Variants in SLC41A3 observed in about 807,000 individuals in gnomAD.
The protein encoded by SLC41A3 is SLC41A1-like 2.
SLC41A3 carries 44 observed loss-of-function variants against 45.4 expected under a neutral mutation model. The ratio of observed to expected loss-of-function variants is 0.97; its 90% CI spans 0.76 to 1.25. The LOEUF (loss-of-function observed/expected upper bound fraction) is 1.25, where lower values mean the gene tolerates loss of function less well. Among genes scored for constraint, SLC41A3 ranks in the 50% most tolerant of loss-of-function variants. The probability of loss-of-function intolerance (pLI) is 0.00; values close to 1 mark genes in which losing one functional copy is unlikely to be tolerated. For synonymous variants in SLC41A3, 256 were observed against 252.4 expected, an observed-to-expected ratio of 1.01 and a Z score of -0.13; for missense variants, 550 against 600.6, an observed-to-expected ratio of 0.92 and a Z score of 0.88.
chr3:126,055,384 G>A (rs964670756), intron 2 of SLC41A3, among the ~76,000 whole-genome samples: 6 of 151,860 alleles, frequency 4.0e-5, no homozygotes, highest in Admixed American at 1.3e-4. Flanking sequence ...GCCTGGTGGC[G>A]GGCACCTGTA....
intron 9 of SLC41A3, among the ~76,000 whole-genome samples, chr3:126,010,212 G>A (rs1271495592): frequency 3.9e-5 from 6 of 152,194 alleles, no homozygotes; most frequent in African/African-American, 7.2e-5. Flanking sequence ...TGTGGCTCAC[G>A]CCTGTAAACC....
chr3:126,041,365 C>T (rs1018938882), intron 3 of SLC41A3, among the ~76,000 whole-genome samples: 1 of 152,162 alleles, frequency 6.6e-6, no homozygotes, highest in African/African-American at 2.4e-5. Flanking sequence ...CTCCAAGATA[C>T]ATGCAAGATA....
intron 2 of SLC41A3, among the ~76,000 whole-genome samples, chr3:126,065,767 A>G (rs1019174014): frequency 1.3e-5 from 2 of 152,124 alleles, no homozygotes; most frequent in African/African-American, 4.8e-5. Flanking sequence ...AGATAAATGG[A>G]AAAAAAAGGA....
intron 2 of SLC41A3, among the ~76,000 whole-genome samples, chr3:126,051,266 C>T (rs905648046): frequency 6.6e-6 from 1 of 152,264 alleles, no homozygotes; most frequent in Non-Finnish European, 1.5e-5. Flanking sequence ...CGGCCGTAAG[C>T]ACACTGGGGG....
intron 6 of SLC41A3, among the ~76,000 whole-genome samples, chr3:126,020,342 G>A (rs1222269092): frequency 1.3e-5 from 2 of 152,080 alleles, no homozygotes; most frequent in Non-Finnish European, 2.9e-5. Flanking sequence ...AATGCTTTTG[G>A]GCCTTTTCCC....
chr3:126,097,307 A>G (rs929581731), intron 1 of SLC41A3, among the ~76,000 whole-genome samples: 2 of 152,170 alleles, frequency 1.3e-5, no homozygotes, highest in African/African-American at 4.8e-5. Flanking sequence ...CTTAACATGC[A>G]TGCCCAGGAA....
At position 126,006,858 on chromosome 3, in the gene SLC41A3, A is replaced by C; in HGVS notation, c.*158T>G. The C allele has an allele frequency of 6.7e-7, 1 of 1,482,584 alleles. No individual in the cohort carries two copies. The allele number at this position is 1,482,584 out of a possible 1,614,324, so 91.8% of individuals were successfully genotyped here. ...TTGCAGGCTCAGGTATCAACCCCAGAGCCGAGGTGTGTGAGAGCTACCTTA... is the reference window on the plus strand; with the variant it reads ...TTGCAGGCTCAGGTATCAACCCCAGCGCCGAGGTGTGTGAGAGCTACCTTA... On this transcript the variant is annotated 3_prime_UTR_variant, in exon 11 of 11. Coordinates refer to ENST00000360370, the MANE Select transcript of SLC41A3 (RefSeq NM_017836.4).
intron 1 of SLC41A3, among the ~76,000 whole-genome samples, chr3:126,078,697 CAG>C (rs756444946): frequency 5.9e-5 from 9 of 152,164 alleles, no homozygotes; most frequent in Non-Finnish European, 1.0e-4. Flanking sequence ...GAAGAGGAAA[CAG>C]AGAATTAAAA....
intron 2 of SLC41A3, among the ~76,000 whole-genome samples, chr3:126,057,663 C>A (rs1182148697): frequency 2.0e-5 from 3 of 152,236 alleles, no homozygotes; most frequent in Non-Finnish European, 4.4e-5. Flanking sequence ...CCACTGCCCT[C>A]CCCAGTGTGG....
At chr3:126,064,642 C>T (rs1462470262) in intron 2 of SLC41A3, among the ~76,000 whole-genome samples, 1 of 152,224 alleles carries the variant, frequency 6.6e-6, no homozygotes, top group African/African-American at 2.4e-5. Context: ...CCCCAGTCTT[C>T]TCTCTCTGCC....
intron 2 of SLC41A3, among the ~76,000 whole-genome samples, chr3:126,052,854 C>T (rs1943424036): frequency 6.6e-6 from 1 of 152,202 alleles, no homozygotes; most frequent in South Asian, 2.1e-4. Context: ...CCTCTCCCTT[C>T]CGCAGCTCGA....
chr3:126,100,882 C>T (rs576763153), intron 1 of SLC41A3, among the ~76,000 whole-genome samples: 1 of 152,312 alleles, frequency 6.6e-6, no homozygotes. Context: ...TCTCAGCCCC[C>T]GTTCACTCAT....
At chr3:126,017,944 C>A (rs550155442) in intron 6 of SLC41A3, among the ~76,000 whole-genome samples, 16 of 152,320 alleles carry the variant, frequency 1.1e-4, no homozygotes, top group South Asian at 8.3e-4. Context: ...AAACAGCGGC[C>A]TGCAGAAGCA....
intron 2 of SLC41A3, chr3:126,056,933 G>C: frequency 3.7e-6 from 4 of 1,091,112 alleles, no homozygotes; most frequent in Non-Finnish European, 4.5e-6. Context: ...AGCCCAGCAG[G>C]CTGGTCCATA....
Position 126,026,268 on chromosome 3 carries a change from G to C in SLC41A3, c.598+67C>G. ...CACCCCCAGAAACTGAAAACACAAT[G>C]AGCTCTGAGGTGGGACCTCAGAGGA... On this transcript the variant is annotated intron_variant, in intron 5 of 10. Transcript: ENST00000360370. The surrounding 1 kb of genome is among the most constrained non-coding windows in gnomAD (Gnocchi z 4.2). 1 of 1,532,338 alleles carries C rather than the reference G, an allele frequency of 6.5e-7. No individual in the cohort carries two copies. Among genetic ancestry groups the C allele is most frequent in the African/African-American group, 1.4e-5 (1 of 72,612 alleles). 94.9% of individuals were successfully genotyped at this position (1,532,338 alleles called of 1,614,324 possible). A position where few individuals can be genotyped will look rare whatever the true frequency, so the allele number is the denominator to read the frequency against.
intron 2 of SLC41A3, chr3:126,057,024 G>A (rs939361828): frequency 4.1e-5 from 42 of 1,022,058 alleles, no homozygotes; most frequent in East Asian, 1.7e-4. Flanking sequence ...CTGCCACCTC[G>A]CCCTGTACAA....
chr3:126,076,088 G>A (rs1944868226), intron 1 of SLC41A3, among the ~76,000 whole-genome samples: 1 of 152,112 alleles, frequency 6.6e-6, no homozygotes, highest in African/African-American at 2.4e-5. Flanking sequence ...ATCTAATGAG[G>A]GTTTAGTATC....
At chr3:126,049,845 C>G (rs1943207540) in intron 3 of SLC41A3, among the ~76,000 whole-genome samples, 1 of 152,226 alleles carries the variant, frequency 6.6e-6, no homozygotes, top group Admixed American at 6.5e-5. Flanking sequence ...CCTCTGGAAG[C>G]TCTAGGGGAG....
upstream of SLC41A3, among the ~76,000 whole-genome samples, chr3:126,085,004 A>T (rs1945345469): frequency 1.3e-5 from 2 of 152,162 alleles, no homozygotes; most frequent in Non-Finnish European, 2.9e-5. Context: ...CCCTATCCGA[A>T]TACTTCATCT....
Sources: allele counts gnomAD v4.1 joint callset (sites outside exome capture counted in the v4.1 genomes callset), GRCh38; gene constraint gnomAD v4.1.1; non-coding constraint Gnocchi (gnomAD v3.1); transcripts MANE v1.5; gene names NCBI Gene and HGNC (gene_info 2026-07-23, HGNC 2026-07-21).